Variants in MYO1E observed in about 807,000 individuals in gnomAD.
MYO1E encodes the protein unconventional myosin-Ie.
Under a neutral mutation model 151.1 loss-of-function variants are expected in MYO1E, and 68 were observed. The ratio of observed to expected loss-of-function variants is 0.45; its 90% CI spans 0.37 to 0.55. The LOEUF (loss-of-function observed/expected upper bound fraction) is 0.55, where lower values mean the gene tolerates loss of function less well. Among genes scored for constraint, MYO1E ranks in the 20% least tolerant of loss-of-function variants. The probability of loss-of-function intolerance (pLI) is 0.00; values close to 1 mark genes in which losing one functional copy is unlikely to be tolerated. For synonymous variants in MYO1E, 601 were observed against 501.7 expected, an observed-to-expected ratio of 1.20 and a Z score of -2.64; for missense variants, 1,363 against 1,389.3, an observed-to-expected ratio of 0.98 and a Z score of 0.30.
intron 18 of MYO1E, among the ~76,000 whole-genome samples, chr15:59,179,921 C>T (rs1267097646): frequency 6.6e-6 from 1 of 152,218 alleles, no homozygotes; most frequent in Non-Finnish European, 1.5e-5. Flanking sequence ...ACATCCAGGG[C>T]CCAGGCAATA....
At chr15:59,243,368 T>C (rs1161345042) in intron 4 of MYO1E, among the ~76,000 whole-genome samples, 1 of 152,204 alleles carries the variant, frequency 6.6e-6, no homozygotes, top group African/African-American at 2.4e-5. Context: ...TCATTGTGTG[T>C]ATCATGCATG....
chr15:59,359,313 A>AATAT (rs200714503), intron 1 of MYO1E, among the ~76,000 whole-genome samples: 1 of 137,252 alleles, frequency 7.3e-6, no homozygotes, highest in South Asian at 2.2e-4. Flanking sequence ...ATATATATAT[A>AATAT]ATATATATAT....
At chr15:59,278,044 G>A (rs1455458259) in intron 1 of MYO1E, among the ~76,000 whole-genome samples, 2 of 152,120 alleles carry the variant, frequency 1.3e-5, no homozygotes, top group Non-Finnish European at 2.9e-5. Context: ...CAATATAATT[G>A]AGCATTTTCT....
chr15:59,195,746 T>A (rs1375129358), intron 16 of MYO1E, among the ~76,000 whole-genome samples, 179 bp from the exon 17 acceptor site: 2 of 152,242 alleles, frequency 1.3e-5, no homozygotes, highest in African/African-American at 4.8e-5. Flanking sequence ...CCGACTTTTA[T>A]GATGATTTTA....
Position 59,188,280 on chromosome 15 carries a change from A to T in MYO1E, c.1806-64T>A, listed in dbSNP as rs1000818525. On this transcript the variant is annotated intron_variant, in intron 17 of 27. Transcript: ENST00000288235. ...TAATCCTTTCACTCGTGTTCTTACC[A>T]GCCAACCCCCAAGCCCCCAGTTCCA... 3.0e-6 allele frequency: 4 copies of T among 1,345,952 alleles called. No homozygotes were observed. The African/African-American group carries it at 5.8e-5, about 19-fold the overall frequency. 83.4% of individuals were successfully genotyped at this position (1,345,952 alleles called of 1,614,324 possible).
chr15:59,176,418 A>C (rs1352200702), intron 19 of MYO1E, among the ~76,000 whole-genome samples: 1 of 151,048 alleles, frequency 6.6e-6, no homozygotes, highest in Non-Finnish European at 1.5e-5. Flanking sequence ...TTTACTATTA[A>C]GGTGAAACCA....
intron 1 of MYO1E, among the ~76,000 whole-genome samples, chr15:59,346,685 T>C (rs1315677243): frequency 6.6e-6 from 1 of 152,054 alleles, no homozygotes; most frequent in Non-Finnish European, 1.5e-5. Context: ...CCAGCACTTT[T>C]GGAGGATCAC....
intron 3 of MYO1E, among the ~76,000 whole-genome samples, chr15:59,260,570 G>GAACC (rs1441035408): frequency 2.0e-5 from 3 of 152,148 alleles, no homozygotes; most frequent in African/African-American, 7.2e-5. Context: ...GGGAAGTGAT[G>GAACC]AACCACAGAA....
chr15:59,327,872 G>A (rs1215511250), intron 1 of MYO1E, among the ~76,000 whole-genome samples: 1 of 152,184 alleles, frequency 6.6e-6, no homozygotes, highest in Non-Finnish European at 1.5e-5. Flanking sequence ...GAAAGGCCAG[G>A]GTGGACTGCC....
intron 1 of MYO1E, among the ~76,000 whole-genome samples, chr15:59,354,064 C>T (rs146828878): frequency 2.0e-5 from 3 of 152,302 alleles, no homozygotes; most frequent in African/African-American, 4.8e-5. Context: ...CCTTCACTAA[C>T]GGCTCGATCA....
chr15:59,154,549 G>C (rs1269894482), intron 25 of MYO1E, among the ~76,000 whole-genome samples: 2 of 152,218 alleles, frequency 1.3e-5, no homozygotes, highest in Non-Finnish European at 2.9e-5. Flanking sequence ...GCTGAGTGGA[G>C]AAAGAGAACA....
chr15:59,250,110 G>C (rs1330249017), intron 4 of MYO1E, among the ~76,000 whole-genome samples: 1 of 152,158 alleles, frequency 6.6e-6, no homozygotes, highest in Non-Finnish European at 1.5e-5. Context: ...TTAACTCAAG[G>C]GCTCAGGCTT....
intron 1 of MYO1E, among the ~76,000 whole-genome samples, chr15:59,359,034 G>A (rs2080870521): frequency 6.6e-6 from 1 of 152,076 alleles, no homozygotes; most frequent in Non-Finnish European, 1.5e-5. Flanking sequence ...ATTCACTTAA[G>A]AATGAATATG....
intron 14 of MYO1E, chr15:59,208,070 A>C (rs1351309372): frequency 1.3e-6 from 2 of 1,582,348 alleles, no homozygotes; most frequent in East Asian, 2.2e-5. Flanking sequence ...GAAATTCAGA[A>C]TAAGCTTAAG....
intron 1 of MYO1E, among the ~76,000 whole-genome samples, 199 bp from the exon 2 acceptor site, chr15:59,272,648 C>G (rs1378523368): frequency 1.3e-5 from 2 of 152,196 alleles, no homozygotes; most frequent in African/African-American, 4.8e-5. Context: ...TGGGGAAAAG[C>G]TACCTAAGCT....
At position 59,350,727 on chromosome 15, in the gene MYO1E, G is replaced by A. The variant is rs1596438118; in HGVS notation, c.3+21771C>T. 6.6e-6 allele frequency among the ~76,000 whole-genome samples: 1 copy of A among 152,220 alleles called. No individual in the cohort carries two copies. Among genetic ancestry groups the A allele is most frequent in the Non-Finnish European group, 1.5e-5 (1 of 68,034 alleles). Reference sequence around the variant, plus strand: ...CAGTCTACTTGGGCTGTAAGAGACTGTGTGAAAACAGATAACAATGCAAGA... The same window carrying A: ...CAGTCTACTTGGGCTGTAAGAGACTATGTGAAAACAGATAACAATGCAAGA... On this transcript the variant is annotated intron_variant, in intron 1 of 27. Transcript: ENST00000288235. This position sits in a 1 kb window ranked among gnomAD's most constrained non-coding sequence, Gnocchi z 5.0.
At chr15:59,364,175 T>C (rs572355299) in intron 1 of MYO1E, among the ~76,000 whole-genome samples, 15 of 152,344 alleles carry the variant, frequency 9.8e-5, no homozygotes, top group African/African-American at 3.6e-4. Context: ...ACTCCCGTTC[T>C]CTGGTAAGAC....
intron 1 of MYO1E, among the ~76,000 whole-genome samples, chr15:59,324,191 C>T (rs563411588): frequency 6.6e-6 from 1 of 152,290 alleles, no homozygotes; most frequent in Admixed American, 6.5e-5. Flanking sequence ...GACATCTAAA[C>T]TGTTAGAAAA....
chr15:59,345,350 C>T (rs1298523233), intron 1 of MYO1E, among the ~76,000 whole-genome samples: 2 of 152,160 alleles, frequency 1.3e-5, no homozygotes, highest in East Asian at 1.9e-4. Context: ...TCTTACCACA[C>T]ATTACCCTCT....
Sources: allele counts gnomAD v4.1 joint callset (sites outside exome capture counted in the v4.1 genomes callset), GRCh38; gene constraint gnomAD v4.1.1; non-coding constraint Gnocchi (gnomAD v3.1); transcripts MANE v1.5; gene names NCBI Gene and HGNC (gene_info 2026-07-23, HGNC 2026-07-21).